STAG1: variants seen among roughly 807,000 people sequenced by gnomAD.
STAG1 encodes cohesin subunit SA-1.
Under a neutral mutation model 170.9 loss-of-function variants are expected in STAG1, and 26 were observed. That is an observed-to-expected ratio of 0.15 (90% CI 0.11 to 0.21). The LOEUF (loss-of-function observed/expected upper bound fraction) is 0.21, where lower values mean the gene tolerates loss of function less well. STAG1 is among the 10% of genes least tolerant of loss of function. STAG1 has a pLI of 1.00. For synonymous variants in STAG1, 514 were observed against 497.7 expected (o/e 1.03, Z -0.44); for missense variants, 964 against 1,509.5 (o/e 0.64, Z 5.99).
rs559753383 is a variant in STAG1 at position 136,618,159 on chromosome 3, AATCACCTGCTCCACCCTGACTCATTCCG to A, written c.132+4959_132+4986del. The stretch of plus-strand genomic sequence containing the variant: ...TACCTGCTCCACCCTGACTCATTCC[AATCACCTGCTCCACCCTGACTCATTCCG>A]ATCACCTGCTCTGTCATAACCATTT... On this transcript the variant is annotated intron_variant, in intron 3 of 33. Coordinates refer to ENST00000383202, the MANE Select transcript of STAG1 (RefSeq NM_005862.3). Among the ~76,000 whole-genome samples the A allele has an allele frequency of 9.6e-4, 146 of 152,168 alleles. 1 individual carries two copies. In the South Asian group the frequency reaches 0.024, roughly 25 times the overall value.
intron 28 of STAG1, among the ~76,000 whole-genome samples, chr3:136,354,799 C>T (rs1192344697): frequency 9.3e-5 from 1 of 10,802 alleles, no homozygotes; most frequent in Non-Finnish European, 2.2e-4. Flanking sequence ...CTCCAGGAGA[C>T]ATATAAAAAA....
chr3:136,705,023 A>G (rs1203729410), intron 1 of STAG1, among the ~76,000 whole-genome samples: 1 of 152,078 alleles, frequency 6.6e-6, no homozygotes, highest in Non-Finnish European at 1.5e-5. Context: ...CAATATAACA[A>G]TAATAAAACT....
chr3:136,642,264 CTTTTTTTTTTTT>C (rs10592920), intron 1 of STAG1, among the ~76,000 whole-genome samples: 13 of 84,950 alleles, frequency 1.5e-4, no homozygotes, highest in Admixed American at 1.7e-4. Context: ...GACAGAATTT[CTTTTTTTTTTTT>C]TTTTTTTTTT....
chr3:136,671,307 A>G (rs1941972900), intron 1 of STAG1, among the ~76,000 whole-genome samples: 1 of 152,040 alleles, frequency 6.6e-6, no homozygotes, highest in South Asian at 2.1e-4. Flanking sequence ...AAGCACACAC[A>G]CACACAAAAA....
chr3:136,593,257 T>A (rs1304178328), intron 4 of STAG1, among the ~76,000 whole-genome samples: 4 of 152,182 alleles, frequency 2.6e-5, no homozygotes, highest in African/African-American at 9.6e-5. Flanking sequence ...GGACCCACCC[T>A]GCCCCTCACC....
chr3:136,340,829 GGTT>G (rs776363316), intron 31 of STAG1, among the ~76,000 whole-genome samples: 15 of 152,138 alleles, frequency 9.9e-5, no homozygotes, highest in Non-Finnish European at 1.5e-4. Context: ...CAATAATAAC[GGTT>G]GTTAACATTT....
chr3:136,731,226 C>G (rs1276143570), intron 1 of STAG1, among the ~76,000 whole-genome samples: 1 of 151,940 alleles, frequency 6.6e-6, no homozygotes, highest in Non-Finnish European at 1.5e-5. Flanking sequence ...CATTCATTAC[C>G]CACTACAAAA....
chr3:136,677,397 G>A (rs1468635033), intron 1 of STAG1, among the ~76,000 whole-genome samples: 1 of 152,052 alleles, frequency 6.6e-6, no homozygotes, highest in South Asian at 2.1e-4. Flanking sequence ...CACACGCAAG[G>A]TCACTGTTGA....
At chr3:136,606,709 C>G (rs1419872525) in intron 3 of STAG1, among the ~76,000 whole-genome samples, 1 of 148,556 alleles carries the variant, frequency 6.7e-6, no homozygotes, top group East Asian at 2.0e-4. Context: ...CATAACTAGA[C>G]AAGGGATTAT....
chr3:136,430,438 C>T (rs1356927242), intron 16 of STAG1, among the ~76,000 whole-genome samples: 1 of 151,884 alleles, frequency 6.6e-6, no homozygotes, highest in East Asian at 1.9e-4. Context: ...CAATATAGTT[C>T]CATATCTTTT....
intron 4 of STAG1, among the ~76,000 whole-genome samples, chr3:136,585,402 G>T (rs959771255): frequency 1.3e-5 from 2 of 152,080 alleles, no homozygotes; most frequent in East Asian, 3.9e-4. Flanking sequence ...AGATCACGCC[G>T]CTGCACTACA....
chr3:136,597,243 G>C (rs1383114461), intron 4 of STAG1, among the ~76,000 whole-genome samples: 1 of 151,946 alleles, frequency 6.6e-6, no homozygotes, highest in Non-Finnish European at 1.5e-5. Flanking sequence ...TGTATCCAGA[G>C]GTTATATCTA....
intron 9 of STAG1, among the ~76,000 whole-genome samples, chr3:136,478,745 C>A (rs1251445811): frequency 6.6e-6 from 1 of 152,086 alleles, no homozygotes; most frequent in Non-Finnish European, 1.5e-5. Flanking sequence ...GCCATACTGC[C>A]AATTACAACC....
At chr3:136,348,436 T>C (rs1251769837) in intron 29 of STAG1, among the ~76,000 whole-genome samples, 1 of 151,816 alleles carries the variant, frequency 6.6e-6, no homozygotes, top group African/African-American at 2.4e-5. Context: ...ATGATGGGAG[T>C]CTTCCTCTGT....
At chr3:136,409,651 T>C (rs554822325) in intron 21 of STAG1, among the ~76,000 whole-genome samples, 24 of 152,238 alleles carry the variant, frequency 1.6e-4, no homozygotes, top group African/African-American at 2.4e-4. Context: ...TGTGACTACA[T>C]TGAAACTCGC....
intron 6 of STAG1, among the ~76,000 whole-genome samples, chr3:136,532,333 G>A (rs991615427): frequency 6.6e-6 from 1 of 152,136 alleles, no homozygotes; most frequent in Admixed American, 6.5e-5. Context: ...CCTTTATGTT[G>A]TTGTTGTTTT....
chr3:136,507,538 A>C (rs974201565), intron 7 of STAG1, among the ~76,000 whole-genome samples: 1 of 151,812 alleles, frequency 6.6e-6, no homozygotes, highest in Admixed American at 6.6e-5. Flanking sequence ...ATTAAAAAAA[A>C]AATTTTTTTG....
At chr3:136,485,232 C>T (rs1418481171) in intron 9 of STAG1, among the ~76,000 whole-genome samples, 2 of 152,048 alleles carry the variant, frequency 1.3e-5, no homozygotes, top group African/African-American at 4.8e-5. Context: ...CTGAGGTGGG[C>T]AGATCACGAA....
At position 136,673,234 on chromosome 3, in the gene STAG1, G is replaced by C. The variant is rs1942031676; in HGVS notation, c.-83-42253C>G. Among the ~76,000 whole-genome samples, 10 of 152,134 alleles carry C rather than the reference G, an allele frequency of 6.6e-5. No individual in the cohort carries two copies. The South Asian group carries it at 2.1e-3, about 31-fold the overall frequency. ...TGTAAACTGTGTTTTCAAAAATGAG[G>C]AAGAATACGTAGCAAAGGGTTAGAC... On this transcript the variant is annotated intron_variant, in intron 1 of 33. Coordinates refer to ENST00000383202, the MANE Select transcript of STAG1 (RefSeq NM_005862.3).
Sources: allele counts gnomAD v4.1 joint callset (sites outside exome capture counted in the v4.1 genomes callset), GRCh38; gene constraint gnomAD v4.1.1; transcripts MANE v1.5; gene names NCBI Gene and HGNC (gene_info 2026-07-23, HGNC 2026-07-21).